CSMD1: variants seen among roughly 807,000 people sequenced by gnomAD.
CSMD1 encodes the protein CUB and sushi domain-containing protein 1.
In CSMD1, 213 loss-of-function variants were observed where a neutral mutation model predicts 417.5. That is an observed-to-expected ratio of 0.51 (90% CI 0.46 to 0.57). CSMD1 has a LOEUF of 0.57. CSMD1 is among the 20% of genes least tolerant of loss of function. CSMD1 has a pLI of 0.00. For missense variants in CSMD1, 6,923 were observed against 4,529.7 expected (o/e 1.53, Z -15.17); for synonymous variants, 2,862 against 1,736.8 (o/e 1.65, Z -16.11).
At chr8:4,623,575 G>A (rs776450838) in intron 2 of CSMD1, among the ~76,000 whole-genome samples, 2 of 151,806 alleles carry the variant, frequency 1.3e-5, no homozygotes, top group Admixed American at 6.6e-5. Flanking sequence ...AGGGGGGTGA[G>A]GGGGGAACAA....
chr8:4,300,710 G>C lies in CSMD1; in HGVS notation c.415+119243C>G, dbSNP rs551777083. ...TCTCCCAACCCCACAACAGTCCCCG[G>C]AGTGTGATGTTCCCCTTCCTGCGTC... On this transcript the variant is annotated intron_variant, in intron 3 of 69. Coordinates refer to ENST00000635120, the MANE Select transcript of CSMD1 (RefSeq NM_033225.6). Among the ~76,000 whole-genome samples the C allele has an allele frequency of 1.3e-3, 204 of 152,224 alleles. 1 individual carries two copies. The highest frequency in any genetic ancestry group is 4.6e-3 in the African/African-American group (190 of 41,544).
chr8:4,037,533 A>G (rs1024785723), intron 3 of CSMD1, among the ~76,000 whole-genome samples: 1 of 152,238 alleles, frequency 6.6e-6, no homozygotes, highest in Admixed American at 6.5e-5. Context: ...AAGAATTTGA[A>G]AAACACAAAT....
chr8:4,232,565 A>G (rs1286248948), intron 3 of CSMD1, among the ~76,000 whole-genome samples: 1 of 152,194 alleles, frequency 6.6e-6, no homozygotes, highest in Admixed American at 6.5e-5. Flanking sequence ...CCACTCAAAA[A>G]TGAGAAATGT....
intron 12 of CSMD1, among the ~76,000 whole-genome samples, chr8:3,422,397 C>T (rs1813552425): frequency 2.0e-5 from 3 of 152,150 alleles, no homozygotes; most frequent in Non-Finnish European, 2.9e-5. Context: ...CCACTTTCCA[C>T]ATTGTTCTTC....
intron 2 of CSMD1, among the ~76,000 whole-genome samples, chr8:4,531,107 C>T (rs1490242071): frequency 6.6e-6 from 1 of 152,014 alleles, no homozygotes; most frequent in South Asian, 2.1e-4. Flanking sequence ...TGAATCATCG[C>T]GAGTAGAATA....
intron 3 of CSMD1, among the ~76,000 whole-genome samples, chr8:4,226,745 T>C (rs1014215208): frequency 3.9e-5 from 6 of 152,218 alleles, no homozygotes; most frequent in African/African-American, 1.4e-4. Flanking sequence ...TCAGTTAACC[T>C]GGCACTGAGC....
chr8:3,411,874 G>GTATATATACACGTATATATGCACA lies in CSMD1; in HGVS notation c.1562-2270_1562-2269insTGTGCATATATACGTGTATATATA, dbSNP rs1812762521. On this transcript the variant is annotated intron_variant, in intron 12 of 69. Transcript: ENST00000635120. ...CGTATATATGCACGTATATATGCAC[G>GTATATATACACGTATATATGCACA]TATATATACACGTATATATGCACGT... Among the ~76,000 whole-genome samples, 4 of 101,080 alleles carry GTATATATACACGTATATATGCACA rather than the reference G, an allele frequency of 4.0e-5. 2 individuals carry two copies. Among genetic ancestry groups the GTATATATACACGTATATATGCACA allele is most frequent in the African/African-American group, 1.5e-4 (4 of 26,872 alleles). 66.3% of individuals were successfully genotyped at this position (101,080 alleles called of 152,430 possible).
chr8:4,985,854 C>T (rs1811152702), intron 1 of CSMD1, among the ~76,000 whole-genome samples: 1 of 152,122 alleles, frequency 6.6e-6, no homozygotes, highest in Non-Finnish European at 1.5e-5. Context: ...ATGTTGTCCA[C>T]AGGAATTCTA....
intron 25 of CSMD1, among the ~76,000 whole-genome samples, chr8:3,304,445 C>T (rs1009846320): frequency 1.4e-4 from 21 of 152,076 alleles, no homozygotes; most frequent in African/African-American, 5.1e-4. Context: ...GCCAGATCAC[C>T]ATACTAAAAA....
intron 2 of CSMD1, among the ~76,000 whole-genome samples, chr8:4,469,868 CTTTT>C (rs368325145): frequency 1.4e-5 from 2 of 144,832 alleles, no homozygotes; most frequent in African/African-American, 5.1e-5. Context: ...TTTGGTTTTC[CTTTT>C]TTTTTTTTTA....
At chr8:4,249,372 G>A (rs1802908577) in intron 3 of CSMD1, among the ~76,000 whole-genome samples, 1 of 152,216 alleles carries the variant, frequency 6.6e-6, no homozygotes, top group South Asian at 2.1e-4. Flanking sequence ...GATGTTTCAT[G>A]TAGCATATTC....
chr8:4,078,308 T>A lies in CSMD1; in HGVS notation c.416-46209A>T, dbSNP rs573054079. Among the ~76,000 whole-genome samples, 418 of 149,314 alleles carry A rather than the reference T, an allele frequency of 2.8e-3. 2 individuals carry two copies. The highest frequency in any genetic ancestry group is 9.8e-3 in the African/African-American group (394 of 40,156). On this transcript the variant is annotated intron_variant, in intron 3 of 69. Transcript: ENST00000635120. ...CTGTGCCATAATGATGAGTTTGATA[T>A]CCAACTTTTTTTTTTTTTTTTTTTG...
chr8:3,777,009 T>G (rs1798927452), intron 5 of CSMD1, among the ~76,000 whole-genome samples: 1 of 151,892 alleles, frequency 6.6e-6, no homozygotes, highest in Non-Finnish European at 1.5e-5. Flanking sequence ...CCCCCACATC[T>G]GACCTTAAAT....
intron 2 of CSMD1, among the ~76,000 whole-genome samples, chr8:4,547,415 G>C (rs974864471): frequency 1.7e-4 from 26 of 152,084 alleles, no homozygotes; most frequent in African/African-American, 5.8e-4. Context: ...GATTTTAGAA[G>C]AAAATACAAC....
At chr8:4,186,740 A>T (rs1798699907) in intron 3 of CSMD1, among the ~76,000 whole-genome samples, 1 of 151,824 alleles carries the variant, frequency 6.6e-6, no homozygotes, top group Non-Finnish European at 1.5e-5. Context: ...TAATCCCAGC[A>T]ATTTGGGAAG....
intron 1 of CSMD1, among the ~76,000 whole-genome samples, chr8:4,900,732 T>A (rs886830475): frequency 2.0e-5 from 3 of 152,106 alleles, no homozygotes; most frequent in Admixed American, 1.3e-4. Flanking sequence ...ACTCACGGAG[T>A]TAACTTATCC....
chr8:4,981,190 G>A (rs138831034), intron 1 of CSMD1, among the ~76,000 whole-genome samples: 23 of 152,174 alleles, frequency 1.5e-4, no homozygotes, highest in Non-Finnish European at 3.1e-4. Context: ...GCTTTACCAT[G>A]GAAACACATT....
intron 2 of CSMD1, among the ~76,000 whole-genome samples, chr8:4,616,167 G>A (rs1050665663): frequency 2.0e-5 from 3 of 152,100 alleles, no homozygotes; most frequent in African/African-American, 7.2e-5. Flanking sequence ...AGATCCCATA[G>A]CTAAAACTTC....
At chr8:3,531,073 C>G (rs1025402793) in intron 10 of CSMD1, among the ~76,000 whole-genome samples, 2 of 151,612 alleles carry the variant, frequency 1.3e-5, no homozygotes, top group African/African-American at 2.4e-5. Context: ...GTTGGCCAGG[C>G]TGATCTCAAA....
Sources: allele counts gnomAD v4.1 joint callset (sites outside exome capture counted in the v4.1 genomes callset), GRCh38; gene constraint gnomAD v4.1.1; transcripts MANE v1.5; gene names NCBI Gene and HGNC (gene_info 2026-07-23, HGNC 2026-07-21).